The following SCN1A variants were observed in gnomAD, a reference collection of about 807,000 sequenced individuals.
SCN1A encodes sodium voltage-gated channel alpha subunit 1.
SCN1A carries 13 observed loss-of-function variants against 193.7 expected under a neutral mutation model. That is an observed-to-expected ratio of 0.07 (90% CI 0.04 to 0.11). The LOEUF is 0.11. SCN1A is among the 10% of genes least tolerant of loss of function. SCN1A has a pLI of 1.00. For synonymous variants in SCN1A, 781 were observed against 843.6 expected, an observed-to-expected ratio of 0.93 and a Z score of 1.29; for missense variants, 1,432 against 2,451.1, an observed-to-expected ratio of 0.58 and a Z score of 8.78.
At chr2:166,059,633 G>A (rs894771339) in intron 4 of SCN1A, 4 of 152,140 alleles carry the variant, frequency 2.6e-5, no homozygotes, top group Admixed American at 2.6e-4. Context: ...ATTTGGGGAA[G>A]GAAATTTTAA....
chr2:166,046,896 C>A lies in SCN1A; in HGVS notation c.1251G>T (p.Leu417Phe). ...AGGCCATGGCCACCACAGCCAGGATCAAATTTATTAGGTAGAATGAGCCCA... is the reference window on the plus strand; with the variant it reads ...AGGCCATGGCCACCACAGCCAGGATAAAATTTATTAGGTAGAATGAGCCCA... ...IFLGSFYLIN[L>F]ILAVVAMAYE... The change falls in exon 12 of 29, where the codon TTG (leucine) becomes TTT (phenylalanine). Residue 417 changes from leucine (L) to phenylalanine (F), a missense_variant. Leu to Phe is a conservative substitution (Grantham distance 22). Coordinates refer to ENST00000674923, the MANE Select transcript of SCN1A (RefSeq NM_001165963.4). 1 of 1,613,914 alleles carries A rather than the reference C, an allele frequency of 6.2e-7. No individual in the cohort carries two copies. Among genetic ancestry groups the A allele is most frequent in the Non-Finnish European group, 8.5e-7 (1 of 1,179,902 alleles).
intron 26 of SCN1A, 69 bp from the exon 27 acceptor site, chr2:165,996,186 G>C: frequency 1.1e-6 from 1 of 905,842 alleles, no homozygotes; most frequent in Non-Finnish European, 1.8e-6. Context: ...TGTTAAAATA[G>C]AAAATGGATG....
chr2:166,107,618 C>A (rs954155696), intron 2 of SCN1A, among the ~76,000 whole-genome samples: 10 of 152,068 alleles, frequency 6.6e-5, no homozygotes, highest in Admixed American at 4.6e-4. Context: ...AGTTCTTATT[C>A]TGAACCATTC....
At chr2:166,095,941 T>G (rs1412879411) in intron 2 of SCN1A, among the ~76,000 whole-genome samples, 1 of 152,188 alleles carries the variant, frequency 6.6e-6, no homozygotes, top group East Asian at 1.9e-4. Flanking sequence ...CTTGAACCAC[T>G]TGAACCCTCC....
intron 2 of SCN1A, chr2:166,123,681 A>G (rs1245964830): frequency 1.3e-5 from 2 of 152,102 alleles, no homozygotes; most frequent in Non-Finnish European, 2.9e-5. Flanking sequence ...AACTCTCAAA[A>G]CTTTTTTTTG....
At chr2:166,120,905 T>G (rs1272880523) in intron 2 of SCN1A, among the ~76,000 whole-genome samples, 1 of 151,898 alleles carries the variant, frequency 6.6e-6, no homozygotes, top group Non-Finnish European at 1.5e-5. Flanking sequence ...TTTGAGCCAC[T>G]GTATCTGGCC....
At chr2:166,002,874 G>T (rs1246766903) in intron 23 of SCN1A, 121 bp from the exon 24 acceptor site, 3 of 803,874 alleles carry the variant, frequency 3.7e-6, no homozygotes, top group South Asian at 2.6e-5. Flanking sequence ...TTTATTCTAG[G>T]ATATGTAAAA....
chr2:166,019,886 A>C (rs551289261), intron 19 of SCN1A, among the ~76,000 whole-genome samples: 1 of 151,476 alleles, frequency 6.6e-6, no homozygotes, highest in East Asian at 1.9e-4. Flanking sequence ...CACAGATAGA[A>C]GCTGTATGTT....
At chr2:166,010,660 G>A (rs1248305131) in intron 22 of SCN1A, among the ~76,000 whole-genome samples, 1 of 151,182 alleles carries the variant, frequency 6.6e-6, no homozygotes, top group East Asian at 1.9e-4. Flanking sequence ...AAAGATGCTA[G>A]TATTGGAGAA....
chr2:166,147,700 A>G (rs1692379212), intron 1 of SCN1A, among the ~76,000 whole-genome samples: 1 of 152,158 alleles, frequency 6.6e-6, no homozygotes, highest in African/African-American at 2.4e-5. Flanking sequence ...TCAGGCCCCG[A>G]GGGACCATAA....
intron 22 of SCN1A, among the ~76,000 whole-genome samples, chr2:166,010,701 ACTTTT>A (rs1219551180): frequency 2.0e-5 from 3 of 151,208 alleles, no homozygotes; most frequent in Non-Finnish European, 1.5e-5. Flanking sequence ...ATTTTTGTAA[ACTTTT>A]CTTTTTTAAA....
chr2:166,030,086 T>C (rs183420153), intron 19 of SCN1A, among the ~76,000 whole-genome samples: 4 of 152,304 alleles, frequency 2.6e-5, no homozygotes, highest in African/African-American at 9.6e-5. Flanking sequence ...TGTACCTAGT[T>C]CTTCAACAAA....
At chr2:166,132,450 T>C (rs1691700218), upstream of SCN1A, among the ~76,000 whole-genome samples, 2 of 152,006 alleles carry the variant, frequency 1.3e-5, no homozygotes, top group Non-Finnish European at 2.9e-5. Flanking sequence ...TCACAAAGCA[T>C]TCACCAACAC....
intron 19 of SCN1A, among the ~76,000 whole-genome samples, chr2:166,027,558 C>T (rs917396423): frequency 6.0e-5 from 9 of 150,980 alleles, no homozygotes; most frequent in East Asian, 1.9e-4. Flanking sequence ...TGTGGTCATG[C>T]GATGTCTATA....
At chr2:166,123,339 G>A (rs1038294318) in intron 2 of SCN1A, among the ~76,000 whole-genome samples, 1 of 150,512 alleles carries the variant, frequency 6.6e-6, no homozygotes, top group Non-Finnish European at 1.5e-5. Flanking sequence ...TTCATGCTTA[G>A]TGTCTCTTTC....
Position 166,043,914 on chromosome 2 carries a change from C to T in SCN1A, c.1798G>A (p.Asp600Asn). ...AAGGAATCTCTACGGCTCTCGTTAT[C>T]CTCAAAGGTGCTGTGCTCATCATCT... ...FADDEHSTFE[D>N]NESRRDSLFV... Residue 600 changes from aspartate (D) to asparagine (N), a missense_variant, in exon 14 of 29, where the codon GAT becomes AAT. By Grantham distance (23) the Asp-to-Asn change is conservative. Around this residue, in one of 18 missense-constraint regions of SCN1A, gnomAD observed 316 missense variants for 362.1 expected, o/e 0.87. Coordinates refer to ENST00000674923, the MANE Select transcript of SCN1A (RefSeq NM_001165963.4). 3 of 1,614,146 alleles carry T rather than the reference C, an allele frequency of 1.9e-6. No individual in the cohort carries two copies. Among genetic ancestry groups the T allele is most frequent in the Non-Finnish European group, 2.5e-6 (3 of 1,180,026 alleles).
At position 165,991,091 on chromosome 2, in the gene SCN1A, G is replaced by T; in HGVS notation, c.*154C>A. 1 of 658,750 alleles carries T rather than the reference G, an allele frequency of 1.5e-6. No homozygotes were observed. 40.8% of individuals were successfully genotyped at this position (658,750 alleles called of 1,614,324 possible). On this transcript the variant is annotated 3_prime_UTR_variant, in exon 29 of 29. Transcript: ENST00000674923. Reference sequence around the variant, plus strand: ...ACAGAGTCACAGTTTGCTGACAAGGGGTCACTGTCTTATTGTAGGCACTGA... The same window carrying T: ...ACAGAGTCACAGTTTGCTGACAAGGTGTCACTGTCTTATTGTAGGCACTGA...
intron 2 of SCN1A, among the ~76,000 whole-genome samples, chr2:166,102,762 A>C (rs1015384028): frequency 6.6e-6 from 1 of 152,186 alleles, no homozygotes; most frequent in Non-Finnish European, 1.5e-5. Flanking sequence ...TGTTCATTGC[A>C]GCACTATTCA....
intron 17 of SCN1A, among the ~76,000 whole-genome samples, chr2:166,038,343 T>G (rs2105810484): frequency 6.6e-6 from 1 of 152,188 alleles, no homozygotes; most frequent in East Asian, 1.9e-4. Flanking sequence ...GATGGTGAAT[T>G]ATTTTTCTTT....
Sources: allele counts gnomAD v4.1 joint callset (sites outside exome capture counted in the v4.1 genomes callset), GRCh38; gene constraint gnomAD v4.1.1; regional missense constraint gnomAD v4.1.1; transcripts MANE v1.5; gene names NCBI Gene and HGNC (gene_info 2026-07-23, HGNC 2026-07-21).